Variants in RPIA observed in about 807,000 individuals in gnomAD.
RPIA encodes ribose 5-phosphate isomerase A, also known as ribose-5-phosphate isomerase.
Under a neutral mutation model 37.8 loss-of-function variants are expected in RPIA, and 29 were observed. The observed-to-expected ratio is 0.77, with a 90% CI of 0.57 to 1.05. The LOEUF (loss-of-function observed/expected upper bound fraction) is 1.05. RPIA is among the 50% of genes least tolerant of loss of function. The probability of loss-of-function intolerance (pLI) is 0.00; values close to 1 mark genes in which losing one functional copy is unlikely to be tolerated. For missense variants in RPIA, 385 were observed against 413.6 expected, an observed-to-expected ratio of 0.93 and a Z score of 0.60; for synonymous variants, 167 against 157.0, an observed-to-expected ratio of 1.06 and a Z score of -0.48.
At chr2:88,705,236 C>T (rs1672883257) in intron 3 of RPIA, among the ~76,000 whole-genome samples, 1 of 151,986 alleles carries the variant, frequency 6.6e-6, no homozygotes. Flanking sequence ...CATATGGAAC[C>T]AAAAAAGAGC....
At chr2:88,708,564 A>G (rs1330666140) in intron 3 of RPIA, among the ~76,000 whole-genome samples, 1 of 152,200 alleles carries the variant, frequency 6.6e-6, no homozygotes, top group Non-Finnish European at 1.5e-5. Flanking sequence ...AGCCTTGACA[A>G]TAACTGAGTA....
chr2:88,692,069 G>A, intron 1 of RPIA, 86 bp downstream of exon 1: 1 of 1,482,086 alleles, frequency 6.7e-7, no homozygotes, highest in Non-Finnish European at 9.0e-7. Context: ...GCCGGGGCGC[G>A]CCTAGCTCCT....
intron 3 of RPIA, among the ~76,000 whole-genome samples, chr2:88,719,983 G>A (rs951658949): frequency 6.6e-6 from 1 of 152,098 alleles, no homozygotes; most frequent in African/African-American, 2.4e-5. Context: ...ACACCCACCT[G>A]TTCCACAGTA....
At chr2:88,702,171 T>C (rs1204572194) in intron 3 of RPIA, among the ~76,000 whole-genome samples, 17 of 152,230 alleles carry the variant, frequency 1.1e-4, no homozygotes, top group Non-Finnish European at 4.4e-5. Flanking sequence ...AATTTTCCAA[T>C]TTTTATTATC....
intron 1 of RPIA, among the ~76,000 whole-genome samples, chr2:88,696,155 T>C (rs557796658): frequency 1.3e-5 from 2 of 152,328 alleles, no homozygotes; most frequent in South Asian, 4.1e-4. Flanking sequence ...AAGGTTTTAC[T>C]ATGGGCTTTC....
rs555487234 is a variant in RPIA, at chr2:88,742,470, G to A, written c.838+4394G>A. Among the ~76,000 whole-genome samples the A allele has an allele frequency of 2.0e-5, 3 of 152,168 alleles. No homozygotes were observed. In the South Asian group the frequency reaches 6.2e-4, roughly 32 times the overall value. On this transcript the variant is annotated intron_variant, in intron 8 of 8. Transcript: ENST00000283646. ...CCATGACCTTATAGTGTAGTTTGAA[G>A]TCAGGTAATGTACTGCTGCCAGATT...
intron 6 of RPIA, 100 bp from the exon 7 acceptor site, chr2:88,736,435 G>T: frequency 7.7e-7 from 1 of 1,300,526 alleles, no homozygotes; most frequent in Non-Finnish European, 1.1e-6. Flanking sequence ...CACTTTCCTT[G>T]CCTTCCCACC....
chr2:88,703,957 T>C (rs545227950), intron 3 of RPIA, among the ~76,000 whole-genome samples: 2 of 152,300 alleles, frequency 1.3e-5, no homozygotes, highest in African/African-American at 4.8e-5. Flanking sequence ...TCTCTCAAGG[T>C]CAAAGTTCCA....
chr2:88,727,874 C>T (rs1038888412), intron 3 of RPIA, among the ~76,000 whole-genome samples: 4 of 152,082 alleles, frequency 2.6e-5, no homozygotes, highest in Admixed American at 6.5e-5. Flanking sequence ...TTTGAACTTG[C>T]TTATTCAGCC....
intron 4 of RPIA, among the ~76,000 whole-genome samples, chr2:88,729,593 A>C (rs1673241071): frequency 6.6e-6 from 1 of 152,218 alleles, no homozygotes; most frequent in African/African-American, 2.4e-5. Context: ...GGGCAAGCCC[A>C]GGGCTATATC....
At chr2:88,741,635 G>GT (rs1673384234) in intron 8 of RPIA, among the ~76,000 whole-genome samples, 2 of 152,180 alleles carry the variant, frequency 1.3e-5, no homozygotes, top group Non-Finnish European at 1.5e-5. Context: ...CTACTTTTGA[G>GT]TTTTTTAAGG....
At chr2:88,727,370 A>G (rs1017230735) in intron 3 of RPIA, among the ~76,000 whole-genome samples, 1 of 152,190 alleles carries the variant, frequency 6.6e-6, no homozygotes. Flanking sequence ...TCAGATCTGA[A>G]GTTAGGATGG....
intron 3 of RPIA, among the ~76,000 whole-genome samples, chr2:88,728,446 C>CTTTTTGTT (rs1374752471): frequency 2.0e-5 from 3 of 152,250 alleles, no homozygotes; most frequent in Admixed American, 1.3e-4. Flanking sequence ...ATCTCAGGTG[C>CTTTTTGTT]TTTTTGTTTT....
chr2:88,706,846 C>T (rs1178265565), intron 3 of RPIA, among the ~76,000 whole-genome samples: 1 of 152,146 alleles, frequency 6.6e-6, no homozygotes, highest in East Asian at 1.9e-4. Flanking sequence ...CCTTTCAACT[C>T]CCCATTGGGA....
intron 3 of RPIA, among the ~76,000 whole-genome samples, chr2:88,701,439 C>T (rs868571375): frequency 2.6e-5 from 4 of 151,720 alleles, no homozygotes; most frequent in Non-Finnish European, 5.9e-5. Flanking sequence ...TATATATGCA[C>T]GTGGATTGAA....
At chr2:88,737,870 G>A (rs1673334315) in intron 7 of RPIA, 107 bp from the exon 8 acceptor site, 2 of 797,136 alleles carry the variant, frequency 2.5e-6, no homozygotes, top group African/African-American at 3.4e-5. Context: ...CATAAGGTGG[G>A]AGCAGGTTAA....
At position 88,726,889 on chromosome 2, in the gene RPIA, C is replaced by T. The variant is rs113224485; in HGVS notation, c.403-2389C>T. Among the ~76,000 whole-genome samples, 564 of 152,206 alleles carry T rather than the reference C, an allele frequency of 3.7e-3. 2 individuals carry two copies. The highest frequency in any genetic ancestry group is 0.012 in the African/African-American group (497 of 41,530). ...TCCTGAGTAGCTAGGGTTACAGGTA[C>T]CATGATGCCTAGCTAATTTTTGTAT... On this transcript the variant is annotated intron_variant, in intron 3 of 8. Coordinates refer to ENST00000283646, the MANE Select transcript of RPIA (RefSeq NM_144563.3).
chr2:88,725,585 A>G (rs1471389081), intron 3 of RPIA, among the ~76,000 whole-genome samples: 1 of 152,036 alleles, frequency 6.6e-6, no homozygotes, highest in Non-Finnish European at 1.5e-5. Context: ...TTCTGTGTCA[A>G]AATTTCCGCT....
chr2:88,744,197 G>A (rs1473273881), intron 8 of RPIA, among the ~76,000 whole-genome samples: 4 of 152,074 alleles, frequency 2.6e-5, no homozygotes, highest in African/African-American at 7.2e-5. Context: ...GTTTTGATAG[G>A]TTGTATCACT....
Sources: gnomAD v4.1 joint callset for allele counts (sites outside exome capture counted in the v4.1 genomes callset) on GRCh38, gnomAD v4.1.1 for gene constraint, MANE v1.5 for transcripts, NCBI Gene and HGNC (gene_info 2026-07-23, HGNC 2026-07-21) for gene names.